RNF169: variants seen among roughly 807,000 people sequenced by gnomAD.
RNF169 encodes ring finger protein 169.
Under a neutral mutation model 53.9 loss-of-function variants are expected in RNF169, and 24 were observed. The ratio of observed to expected loss-of-function variants is 0.45; its 90% CI spans 0.32 to 0.63. RNF169 has a LOEUF of 0.63. Ranked by LOEUF, RNF169 falls within the 20% of genes least tolerant of loss-of-function variation. RNF169 has a pLI of 0.04. For synonymous variants in RNF169, 396 were observed against 363.5 expected, an observed-to-expected ratio of 1.09 and a Z score of -1.02; for missense variants, 883 against 906.2, an observed-to-expected ratio of 0.97 and a Z score of 0.33.
In RNF169 at chr11:74,838,449, G is replaced by A. The variant is rs765982077; in HGVS notation, c.*1719G>A. 5.9e-5 allele frequency: 9 copies of A among 152,244 alleles called. No individual in the cohort carries two copies. Among genetic ancestry groups the A allele is most frequent in the Non-Finnish European group, 1.0e-4 (7 of 68,044 alleles). 9.4% of individuals were successfully genotyped at this position (152,244 alleles called of 1,614,324 possible). Reference sequence around the variant, plus strand: ...TGGGTTTGTAGTAATGAGTGCTGCTGTAAAGCAGAGCCATTTTCTTGTGCA... The same window carrying A: ...TGGGTTTGTAGTAATGAGTGCTGCTATAAAGCAGAGCCATTTTCTTGTGCA... On this transcript the variant is annotated 3_prime_UTR_variant, in exon 6 of 6. Transcript: ENST00000299563.
intron 2 of RNF169, among the ~76,000 whole-genome samples, chr11:74,794,359 T>G (rs1173106429): frequency 6.6e-6 from 1 of 152,258 alleles, no homozygotes; most frequent in African/African-American, 2.4e-5. Context: ...ATGATGGATC[T>G]AGGTTAAGGG....
chr11:74,805,097 G>T (rs1408566540), intron 2 of RNF169, among the ~76,000 whole-genome samples: 1 of 152,210 alleles, frequency 6.6e-6, no homozygotes, highest in African/African-American at 2.4e-5. Flanking sequence ...GTCCATAGTA[G>T]ATTTATTCAA....
At chr11:74,815,805 CAG>C (rs1328966216) in intron 3 of RNF169, among the ~76,000 whole-genome samples, 1 of 152,078 alleles carries the variant, frequency 6.6e-6, no homozygotes, top group Non-Finnish European at 1.5e-5. Context: ...TGATAGCTGA[CAG>C]AGCTAGGATT....
chr11:74,798,074 G>A (rs1360413288), intron 2 of RNF169, among the ~76,000 whole-genome samples: 4 of 152,068 alleles, frequency 2.6e-5, no homozygotes, highest in Non-Finnish European at 5.9e-5. Context: ...TGTCGCCTCA[G>A]GACCATGTAA....
At position 74,789,598 on chromosome 11, in the gene RNF169, A is replaced by G. The variant is rs752488085; in HGVS notation, c.503-28A>G. 13 of 1,505,266 alleles carry G rather than the reference A, an allele frequency of 8.6e-6. No individual in the cohort carries two copies. In the South Asian group the frequency reaches 1.3e-4, roughly 14 times the overall value. 93.2% of individuals were successfully genotyped at this position (1,505,266 alleles called of 1,614,324 possible). On this transcript the variant is annotated intron_variant, in intron 1 of 5. Transcript: ENST00000299563. ...GGGTCTTCCTAGAAAGTCATCTTAA[A>G]AAGTATTTTCTTTTCCCTTTCTTTC... is the stretch of plus-strand genomic sequence containing the variant.
chr11:74,755,576 C>T (rs569945904), intron 1 of RNF169, among the ~76,000 whole-genome samples: 9 of 152,316 alleles, frequency 5.9e-5, no homozygotes, highest in African/African-American at 2.2e-4. Context: ...GAAACACATA[C>T]TCAAATAACA....
At chr11:74,811,670 A>C (rs1333698536) in intron 3 of RNF169, among the ~76,000 whole-genome samples, 2 of 152,136 alleles carry the variant, frequency 1.3e-5, no homozygotes, top group Non-Finnish European at 2.9e-5. Context: ...TTATTATTTA[A>C]TTATTAAAAA....
At chr11:74,826,297 G>A (rs2036095756) in intron 4 of RNF169, among the ~76,000 whole-genome samples, 1 of 152,142 alleles carries the variant, frequency 6.6e-6, no homozygotes, top group South Asian at 2.1e-4. Flanking sequence ...CTGCACTACT[G>A]CCTGGGTGAC....
chr11:74,801,987 CATTTT>C (rs1403729937), intron 2 of RNF169, among the ~76,000 whole-genome samples: 1 of 152,160 alleles, frequency 6.6e-6, no homozygotes, highest in Non-Finnish European at 1.5e-5. Flanking sequence ...TCAGGTGCAT[CATTTT>C]ATTTTATAAG....
intron 1 of RNF169, among the ~76,000 whole-genome samples, chr11:74,787,638 C>T (rs768465021): frequency 5.9e-4 from 89 of 152,006 alleles, no homozygotes; most frequent in Non-Finnish European, 8.1e-4. Flanking sequence ...ACTGTGAGAC[C>T]TCATCTCTAA....
At chr11:74,791,175 T>G (rs1432011885) in intron 2 of RNF169, among the ~76,000 whole-genome samples, 1 of 152,006 alleles carries the variant, frequency 6.6e-6, no homozygotes, top group Non-Finnish European at 1.5e-5. Flanking sequence ...AGATCCACAG[T>G]GGGTAGCTCC....
chr11:74,784,553 C>T (rs1321015888), intron 1 of RNF169, among the ~76,000 whole-genome samples: 3 of 152,190 alleles, frequency 2.0e-5, no homozygotes, highest in African/African-American at 7.2e-5. Flanking sequence ...TGCTTAATAC[C>T]CTAGCGAGGA....
chr11:74,795,625 C>A (rs2035637507), intron 2 of RNF169, among the ~76,000 whole-genome samples: 1 of 152,210 alleles, frequency 6.6e-6, no homozygotes, highest in Admixed American at 6.5e-5. Context: ...CTTTGGGAGA[C>A]TGAGGCAGGA....
intron 2 of RNF169, among the ~76,000 whole-genome samples, chr11:74,799,726 A>G (rs1028938995): frequency 6.6e-6 from 1 of 152,092 alleles, no homozygotes; most frequent in African/African-American, 2.4e-5. Flanking sequence ...GAAGCTTTTA[A>G]TAAATTAGAA....
intron 1 of RNF169, among the ~76,000 whole-genome samples, chr11:74,785,824 C>G (rs1165553543): frequency 6.6e-6 from 1 of 152,094 alleles, no homozygotes; most frequent in Non-Finnish European, 1.5e-5. Context: ...AGTCATTATG[C>G]TGAGTTCCTC....
At chr11:74,765,894 C>T (rs952464359) in intron 1 of RNF169, among the ~76,000 whole-genome samples, 2 of 150,152 alleles carry the variant, frequency 1.3e-5, no homozygotes, top group South Asian at 4.2e-4. Context: ...CAGATTAACC[C>T]CAAAAGAAGT....
At chr11:74,750,052 CAA>C (rs1479475378) in intron 1 of RNF169, among the ~76,000 whole-genome samples, 1 of 152,082 alleles carries the variant, frequency 6.6e-6, no homozygotes, top group Non-Finnish European at 1.5e-5. Context: ...GTTTTGGAAA[CAA>C]AGGTTGGGTG....
In RNF169 at chr11:74,824,586, A is replaced by G. The variant is rs1220174393; in HGVS notation, c.842+6872A>G. 1.3e-5 allele frequency among the ~76,000 whole-genome samples: 2 copies of G among 152,252 alleles called. 1 individual carries two copies. Among genetic ancestry groups the G allele is most frequent in the East Asian group, 3.8e-4 (2 of 5,208 alleles). On this transcript the variant is annotated intron_variant, in intron 4 of 5. Coordinates refer to ENST00000299563, the MANE Select transcript of RNF169 (RefSeq NM_001098638.2). ...ATAATCAAACTGTTGAAAGCCAAAC[A>G]GAATACTGGAAATAGCAAAGATCAC...
intron 1 of RNF169, among the ~76,000 whole-genome samples, chr11:74,780,627 T>C (rs1025610096): frequency 1.3e-5 from 2 of 152,250 alleles, no homozygotes; most frequent in African/African-American, 4.8e-5. Context: ...ATTTTTGGCT[T>C]GTAGTTTCAT....
Sources: gnomAD v4.1 joint callset for allele counts (sites outside exome capture counted in the v4.1 genomes callset) on GRCh38, gnomAD v4.1.1 for gene constraint, MANE v1.5 for transcripts, NCBI Gene and HGNC (gene_info 2026-07-23, HGNC 2026-07-21) for gene names.